VANGL1: variants seen among roughly 807,000 people sequenced by gnomAD.
VANGL1 encodes VANGL planar cell polarity protein 1, also known as vang-like protein 1.
VANGL1 carries 18 observed loss-of-function variants against 48.4 expected under a neutral mutation model. The observed-to-expected ratio is 0.37, with a 90% CI of 0.26 to 0.55. VANGL1 has a LOEUF of 0.55. VANGL1 is among the 20% of genes least tolerant of loss of function. The probability of loss-of-function intolerance (pLI) is 0.81; values close to 1 mark genes in which losing one functional copy is unlikely to be tolerated. For missense variants in VANGL1, 667 were observed against 675.8 expected, an observed-to-expected ratio of 0.99 and a Z score of 0.14; for synonymous variants, 257 against 261.8, an observed-to-expected ratio of 0.98 and a Z score of 0.18.
chr1:115,650,950 TGTGGAGG>T (rs752969205), intron 1 of VANGL1, among the ~76,000 whole-genome samples: 8 of 151,856 alleles, frequency 5.3e-5, no homozygotes, highest in Non-Finnish European at 7.4e-5. Flanking sequence ...CTGGGCATTG[TGTGGAGG>T]GTCGCAGATG....
chr1:115,682,254 A>G (rs1339728584), intron 4 of VANGL1, 110 bp from the exon 5 acceptor site: 2 of 1,445,496 alleles, frequency 1.4e-6, no homozygotes, highest in Admixed American at 1.9e-5. Flanking sequence ...TCTGTATGAG[A>G]TTATCTTTGA....
chr1:115,681,569 C>T (rs535833449), intron 4 of VANGL1, among the ~76,000 whole-genome samples: 4 of 141,068 alleles, frequency 2.8e-5, no homozygotes, highest in African/African-American at 1.1e-4. Context: ...TGCAGTGGTG[C>T]AGTCTCGGCT....
intron 7 of VANGL1, among the ~76,000 whole-genome samples, chr1:115,690,333 A>G (rs1653783835): frequency 6.6e-6 from 1 of 152,244 alleles, no homozygotes; most frequent in African/African-American, 2.4e-5. Context: ...AGGGCAGGGA[A>G]GAATGAGCTG....
At chr1:115,647,817 A>G (rs187082917) in intron 1 of VANGL1, among the ~76,000 whole-genome samples, 1 of 152,332 alleles carries the variant, frequency 6.6e-6, no homozygotes, top group East Asian at 1.9e-4. Flanking sequence ...AGGACAGGAT[A>G]CTGGAGAGCA....
intron 4 of VANGL1, among the ~76,000 whole-genome samples, chr1:115,665,582 A>G (rs1019302496): frequency 6.6e-6 from 1 of 152,168 alleles, no homozygotes; most frequent in Non-Finnish European, 1.5e-5. Context: ...ACCCTCCTCC[A>G]TTCCTCTGGC....
intron 2 of VANGL1, among the ~76,000 whole-genome samples, chr1:115,655,558 C>G (rs967266218): frequency 2.0e-5 from 3 of 152,078 alleles, no homozygotes; most frequent in African/African-American, 7.2e-5. Flanking sequence ...GATAAAGATA[C>G]GAAGAAAAAC....
At chr1:115,657,885 G>A (rs1387283955) in intron 2 of VANGL1, among the ~76,000 whole-genome samples, 2 of 152,160 alleles carry the variant, frequency 1.3e-5, no homozygotes, top group Admixed American at 6.5e-5. Flanking sequence ...ACATCACATG[G>A]TGAAAGCGGG....
chr1:115,659,742 G>A lies in VANGL1; in HGVS notation c.173G>A (p.Gly58Glu). 1 of 1,614,140 alleles carries A rather than the reference G, an allele frequency of 6.2e-7. No homozygotes were observed. Among genetic ancestry groups the A allele is most frequent in the African/African-American group, 1.3e-5 (1 of 75,020 alleles). Residue 58 changes from glycine (G) to glutamate (E), a missense_variant, in exon 3 of 8, where the codon GGA (glycine) becomes GAA (glutamate). Physicochemically the swap from Gly to Glu is moderately conservative, Grantham distance 98. Coordinates refer to ENST00000355485, the MANE Select transcript of VANGL1 (RefSeq NM_138959.3). ...IQPPTGEPLLGNDSTRTEEVQ... is the reference protein window; with the variant it reads ...IQPPTGEPLLENDSTRTEEVQ... ...CCTCCCACTGGAGAGCCCCTGTTGG[G>A]AAATGATTCTACTCGGACAGAGGAA...
chr1:115,681,508 TTTTG>T (rs1245976660), intron 4 of VANGL1, among the ~76,000 whole-genome samples: 11 of 144,188 alleles, frequency 7.6e-5, no homozygotes, highest in African/African-American at 2.9e-4. Context: ...TTGTTGTTTT[TTTTG>T]TTTTTTTTTT....
At chr1:115,665,977 G>A (rs12133715) in intron 4 of VANGL1, among the ~76,000 whole-genome samples, 29,947 of 152,206 alleles carry the variant, frequency 0.2, 3,282 homozygotes, top group South Asian at 0.31. Flanking sequence ...AGGCCTGGGG[G>A]TATAGGTGAT....
chr1:115,660,370 A>G (rs532720591), intron 3 of VANGL1, among the ~76,000 whole-genome samples: 2 of 152,340 alleles, frequency 1.3e-5, no homozygotes, highest in African/African-American at 4.8e-5. Context: ...CTGTAAAGGA[A>G]ACAGCAGCTC....
rs1409153393 is a variant in VANGL1 at position 115,687,886 on chromosome 1, A to C, written c.1314+2359A>C. On this transcript the variant is annotated intron_variant, in intron 7 of 7. Transcript: ENST00000355485. ...AGTAATCTACCTGCCTCAGCCTTGC[A>C]AAGTGCTAGTATTACAGGCCACCAC... Among the ~76,000 whole-genome samples, 2 of 136,206 alleles carry C rather than the reference A, an allele frequency of 1.5e-5. 1 individual carries two copies. The highest frequency in any genetic ancestry group is 3.2e-5 in the Non-Finnish European group (2 of 62,908). The allele number at this position is 136,206 out of a possible 152,430, so 89.4% of individuals were successfully genotyped here.
In VANGL1 at chr1:115,659,761, A is replaced by G; in HGVS notation, c.192A>G (p.Thr64=). The part of the protein sequence containing the change: ...EPLLGNDSTR[T]EEVQDDNWGE... ...TGTTGGGAAATGATTCTACTCGGACAGAGGAAGTTCAGGTAAGGATCAAAG... is the reference window on the plus strand; with the variant it reads ...TGTTGGGAAATGATTCTACTCGGACGGAGGAAGTTCAGGTAAGGATCAAAG... The change falls in exon 3 of 8, where the codon ACA becomes ACG. Residue 64 remains threonine, a synonymous_variant. Coordinates refer to ENST00000355485, the MANE Select transcript of VANGL1 (RefSeq NM_138959.3). 1 of 1,614,216 alleles carries G rather than the reference A, an allele frequency of 6.2e-7. No homozygotes were observed. The highest frequency in any genetic ancestry group is 8.5e-7 in the Non-Finnish European group (1 of 1,180,042).
At chr1:115,663,451 T>C (rs1433481817) in intron 3 of VANGL1, among the ~76,000 whole-genome samples, 3 of 152,228 alleles carry the variant, frequency 2.0e-5, no homozygotes, top group Non-Finnish European at 2.9e-5. Flanking sequence ...TTTCTCTGTT[T>C]GAAAAGGTAA....
At position 115,658,142 on chromosome 1, in the gene VANGL1, ATTG is replaced by A. The variant is rs538763012; in HGVS notation, c.72-1494_72-1492del. Among the ~76,000 whole-genome samples, 5 of 152,324 alleles carry A rather than the reference ATTG, an allele frequency of 3.3e-5. No individual in the cohort carries two copies. In the South Asian group the frequency reaches 1.0e-3, roughly 32 times the overall value. ...TTATAAGTTATGCTGTAGGAATAGAATTGTTGTCACTGAAAGATTCCCTTGGCC... is the reference window on the plus strand; with the variant it reads ...TTATAAGTTATGCTGTAGGAATAGAATTGTCACTGAAAGATTCCCTTGGCC... On this transcript the variant is annotated intron_variant, in intron 2 of 7. Transcript: ENST00000355485.
chr1:115,693,152 C>T lies in VANGL1; in HGVS notation c.*1773C>T, dbSNP rs941318935. 12 of 152,742 alleles carry T rather than the reference C, an allele frequency of 7.9e-5. No homozygotes were observed. The highest frequency in any genetic ancestry group is 2.9e-4 in the African/African-American group (12 of 41,572). The allele number at this position is 152,742 out of a possible 1,614,324, so 9.5% of individuals were successfully genotyped here. A position where few individuals can be genotyped will look rare whatever the true frequency, so the allele number is the denominator to read the frequency against. ...CGTGGAGCCAAGATGTACTATTCAA[C>T]TATGTGTTTCTGTTTATAAAAAACA... On this transcript the variant is annotated 3_prime_UTR_variant, in exon 8 of 8. Coordinates refer to ENST00000355485, the MANE Select transcript of VANGL1 (RefSeq NM_138959.3).
intron 4 of VANGL1, among the ~76,000 whole-genome samples, chr1:115,679,636 C>T (rs896350253): frequency 2.6e-5 from 4 of 152,224 alleles, no homozygotes; most frequent in African/African-American, 9.7e-5. Flanking sequence ...CTCACAGGCC[C>T]CAGCTGAATT....
chr1:115,652,279 A>G (rs904308367), intron 2 of VANGL1, among the ~76,000 whole-genome samples: 1 of 152,222 alleles, frequency 6.6e-6, no homozygotes, highest in African/African-American at 2.4e-5. Flanking sequence ...CAAAATTAGC[A>G]GGTGTGCACT....
rs893687354 is a variant in VANGL1 at position 115,691,411 on chromosome 1, A to G, written c.*32A>G. ...TATATTTGTGGCTTTATTAAAAAAAAAAGAAAAATATATAGAGAGATATAT... is the reference window on the plus strand; with the variant it reads ...TATATTTGTGGCTTTATTAAAAAAAGAAGAAAAATATATAGAGAGATATAT... On this transcript the variant is annotated 3_prime_UTR_variant, in exon 8 of 8. Coordinates refer to ENST00000355485, the MANE Select transcript of VANGL1 (RefSeq NM_138959.3). 1 of 1,593,762 alleles carries G rather than the reference A, an allele frequency of 6.3e-7. No homozygotes were observed. Among genetic ancestry groups the G allele is most frequent in the Admixed American group, 1.8e-5 (1 of 56,546 alleles).
Sources: gnomAD v4.1 joint callset for allele counts (sites outside exome capture counted in the v4.1 genomes callset) on GRCh38, gnomAD v4.1.1 for gene constraint, MANE v1.5 for transcripts, NCBI Gene and HGNC (gene_info 2026-07-23, HGNC 2026-07-21) for gene names.